The following ADPGK variants were observed in gnomAD, a reference collection of about 807,000 sequenced individuals.
ADPGK encodes the protein ADP-dependent glucokinase.
ADPGK carries 26 observed loss-of-function variants against 42.4 expected under a neutral mutation model. The observed-to-expected ratio is 0.61, with a 90% confidence interval of 0.45 to 0.85. The LOEUF is 0.85. ADPGK is among the 40% of genes least tolerant of loss of function. The pLI is 0.00. For synonymous variants in ADPGK, 267 were observed against 252.6 expected (o/e 1.06, Z -0.54); for missense variants, 571 against 627.0 (o/e 0.91, Z 0.95).
chr15:72,763,037 A>G (rs1033239061), intron 3 of ADPGK, among the ~76,000 whole-genome samples: 3 of 152,226 alleles, frequency 2.0e-5, no homozygotes, highest in African/African-American at 7.2e-5. Flanking sequence ...TATTACTGTA[A>G]AAGAATTTCC....
rs756823163 is a variant in ADPGK at position 72,752,638 on chromosome 15, C to T, written c.1197G>A (p.Gln399=). The T allele has an allele frequency of 5.0e-6, 8 of 1,614,136 alleles. No homozygotes were observed. In the East Asian group the frequency reaches 1.8e-4, roughly 36 times the overall value. Reference sequence around the variant, plus strand: ...GAGCTCCTGCAGCCACGGCTGCCAGCTGGTTGGCCCAGTGTCCATCCACAG... The same window carrying T: ...GAGCTCCTGCAGCCACGGCTGCCAGTTGGTTGGCCCAGTGTCCATCCACAG... The part of the protein sequence containing the change: ...LATVDGHWAN[Q]LAAVAAGARV... Residue 399 remains glutamine, a synonymous_variant, in exon 7 of 7, where the codon CAG becomes CAA. Transcript: ENST00000456471.
At chr15:72,772,954 C>T (rs2066346770) in intron 2 of ADPGK, among the ~76,000 whole-genome samples, 1 of 152,092 alleles carries the variant, frequency 6.6e-6, no homozygotes, top group African/African-American at 2.4e-5. Flanking sequence ...ATAGTGTTAC[C>T]TGGGTGGAAT....
Position 72,755,615 on chromosome 15 carries a change from C to A in ADPGK, c.880G>T (p.Val294Phe), listed in dbSNP as rs907316617. 1.2e-6 allele frequency: 2 copies of A among 1,614,098 alleles called. No individual in the cohort carries two copies. The highest frequency in any genetic ancestry group is 1.7e-6 in the Non-Finnish European group (2 of 1,179,992). ...GTCATACTGGCCAGCTCTAGGTGAA[C>A]TGGAATACCAGTGGGGATGTCAGAA... ...SISDIPTGIP[V>F]HLELASMTNR... The change falls in exon 6 of 7, where the codon GTT becomes TTT. Residue 294 changes from valine to phenylalanine, a missense_variant. Coordinates refer to ENST00000456471, the MANE Select transcript of ADPGK (RefSeq NM_001365225.1).
At position 72,752,686 on chromosome 15, in the gene ADPGK, C is replaced by T. The variant is rs533754619; in HGVS notation, c.1149G>A (p.Thr383=). 10 of 1,614,166 alleles carry T rather than the reference C, an allele frequency of 6.2e-6. No homozygotes were observed. The highest frequency in any genetic ancestry group is 1.6e-4 in the Middle Eastern group (1 of 6,062). ...CAGTTGCCAGGATGTGGTAGACCAGCGTGTGGAAATGGATCCTGGTGAGAT... is the reference window on the plus strand; with the variant it reads ...CAGTTGCCAGGATGTGGTAGACCAGTGTGTGGAAATGGATCCTGGTGAGAT... The part of the protein sequence containing the change: ...ASDLTRIHFH[T]LVYHILATVD... Residue 383 remains threonine, a synonymous_variant, in exon 7 of 7, where the codon ACG becomes ACA. Coordinates refer to ENST00000456471, the MANE Select transcript of ADPGK (RefSeq NM_001365225.1).
chr15:72,766,363 T>G (rs764027726), intron 3 of ADPGK, among the ~76,000 whole-genome samples: 8 of 152,150 alleles, frequency 5.3e-5, no homozygotes, highest in Non-Finnish European at 8.8e-5. Flanking sequence ...AAGGAAGAGT[T>G]AACTGATGTG....
At chr15:72,780,274 T>C (rs1447338301) in intron 1 of ADPGK, among the ~76,000 whole-genome samples, 1 of 152,184 alleles carries the variant, frequency 6.6e-6, no homozygotes, top group Non-Finnish European at 1.5e-5. Flanking sequence ...CACCTTCTTC[T>C]TAAGGTGTCA....
Position 72,760,492 on chromosome 15 carries a change from A to G in ADPGK, c.558T>C (p.His186=), listed in dbSNP as rs377180129. The change falls in exon 4 of 7, where the codon CAT becomes CAC. Residue 186 remains histidine, a synonymous_variant. Transcript: ENST00000456471. ...CAAAGACATTGTCATCAAGAAGCTCATGTAGCTTTGGACCAACTGGACCGC... is the reference window on the plus strand; with the variant it reads ...CAAAGACATTGTCATCAAGAAGCTCGTGTAGCTTTGGACCAACTGGACCGC... The part of the protein sequence containing the change: ...LLCGPVGPKL[H]ELLDDNVFVP... 1.9e-6 allele frequency: 3 copies of G among 1,609,830 alleles called. No individual in the cohort carries two copies. Among genetic ancestry groups the G allele is most frequent in the Non-Finnish European group, 2.5e-6 (3 of 1,176,532 alleles).
At chr15:72,779,866 C>G (rs1302323574) in intron 1 of ADPGK, among the ~76,000 whole-genome samples, 1 of 152,222 alleles carries the variant, frequency 6.6e-6, no homozygotes, top group Non-Finnish European at 1.5e-5. Flanking sequence ...GACAGAGAAG[C>G]TTCATCTGAA....
At chr15:72,758,672 T>C (rs1488412910) in intron 4 of ADPGK, 1 of 173,932 alleles carries the variant, frequency 5.7e-6, no homozygotes, top group African/African-American at 2.5e-5. Flanking sequence ...GACACTCTCT[T>C]TGTGCGGTGA....
intron 3 of ADPGK, among the ~76,000 whole-genome samples, chr15:72,762,984 G>A (rs925071889): frequency 2.0e-5 from 3 of 151,922 alleles, no homozygotes; most frequent in East Asian, 3.9e-4. Flanking sequence ...CCAAAAAAAA[G>A]GAAACAGGAA....
At position 72,774,891 on chromosome 15, in the gene ADPGK, G is replaced by A. The variant is rs1405358643; in HGVS notation, c.440C>T (p.Ser147Leu). 4 of 1,613,102 alleles carry A rather than the reference G, an allele frequency of 2.5e-6. No individual in the cohort carries two copies. The highest frequency in any genetic ancestry group is 2.5e-6 in the Non-Finnish European group (3 of 1,179,104). The change falls in exon 2 of 7, where the codon TCA becomes TTA. Residue 147 changes from serine (S) to leucine (L), a missense_variant. Physicochemically the swap from Ser to Leu is moderately radical, Grantham distance 145. Around this residue, in one of 2 missense-constraint regions of ADPGK, gnomAD observed 434 missense variants for 522.7 expected, o/e 0.83. Coordinates refer to ENST00000456471, the MANE Select transcript of ADPGK (RefSeq NM_001365225.1). Reference protein sequence around the residue: ...ETFHDIAQVASEFPGAQHYVG... With the variant: ...ETFHDIAQVALEFPGAQHYVG... ...ACAGACCTGGGCTCCTGGGAACTCTGATGCAACCTGGGCAATGTCGTGAAA... is the reference window on the plus strand; with the variant it reads ...ACAGACCTGGGCTCCTGGGAACTCTAATGCAACCTGGGCAATGTCGTGAAA...
At position 72,783,518 on chromosome 15, in the gene ADPGK, C is replaced by T. The variant is rs752602751; in HGVS notation, c.174G>A (p.Ala58=). The T allele has an allele frequency of 1.4e-6, 2 of 1,475,058 alleles. No homozygotes were observed. Among genetic ancestry groups the T allele is most frequent in the Admixed American group, 2.4e-5 (1 of 42,170 alleles). 91.4% of individuals were successfully genotyped at this position (1,475,058 alleles called of 1,614,324 possible). The change falls in exon 1 of 7, where the codon GCG becomes GCA. Residue 58 remains alanine (A), a synonymous_variant. Transcript: ENST00000456471. ...GCACGATAAGCGCGTCCCAGGCTGC[C>T]GCCAACCGGCCCTCGGGGGAGACGG... ...PGPVSPEGRL[A]AAWDALIVRP...
At chr15:72,776,506 T>A (rs2066394313) in intron 1 of ADPGK, among the ~76,000 whole-genome samples, 1 of 152,208 alleles carries the variant, frequency 6.6e-6, no homozygotes, top group South Asian at 2.1e-4. Context: ...GATTTTGGTG[T>A]AAAATACATA....
At chr15:72,757,802 A>G in intron 4 of ADPGK, 1 of 326,982 alleles carries the variant, frequency 3.1e-6, no homozygotes, top group South Asian at 4.5e-5. Flanking sequence ...CGTGGACTCA[A>G]CCCTTGAATA....
At chr15:72,759,823 T>C (rs537854524) in intron 4 of ADPGK, among the ~76,000 whole-genome samples, 1 of 152,308 alleles carries the variant, frequency 6.6e-6, no homozygotes, top group African/African-American at 2.4e-5. Context: ...ACGTAACATA[T>C]AAAATCTGCT....
Position 72,774,863 on chromosome 15 carries a change from C to CA in ADPGK, c.459+8dup, listed in dbSNP as rs1392107692. On this transcript the variant is annotated intron_variant, in intron 2 of 6. Coordinates refer to ENST00000456471, the MANE Select transcript of ADPGK (RefSeq NM_001365225.1). ...CACCCTTAATTTACTATTGCTGAAC[C>CA]AAACAGACCTGGGCTCCTGGGAACT... is the stretch of plus-strand genomic sequence containing the variant. 4 of 1,603,478 alleles carry CA rather than the reference C, an allele frequency of 2.5e-6. No homozygotes were observed. The highest frequency in any genetic ancestry group is 3.4e-6 in the Non-Finnish European group (4 of 1,171,674).
rs2066501280 is a variant in ADPGK at position 72,783,685 on chromosome 15, G to A, written c.7C>T (p.Leu3=). Residue 3 remains leucine, a synonymous_variant, in exon 1 of 7, where the codon CTG becomes TTG. Transcript: ENST00000456471. MA[L]WRGSAYAGFL... is the part of the protein sequence containing the mutation. ...CCCGCGTACGCGGAGCCGCGCCACA[G>A]CGCCATGGGGACCCAGGCGCCGCAC... 6.7e-7 allele frequency: 1 copy of A among 1,482,478 alleles called. No individual in the cohort carries two copies. Among genetic ancestry groups the A allele is most frequent in the Admixed American group, 2.3e-5 (1 of 43,090 alleles). 91.8% of individuals were successfully genotyped at this position (1,482,478 alleles called of 1,614,324 possible).
At position 72,758,413 on chromosome 15, in the gene ADPGK, T is replaced by C. The variant is rs149863351; in HGVS notation, c.644-1966A>G. 888 of 496,246 alleles carry C rather than the reference T, an allele frequency of 1.8e-3. 18 individuals carry two copies. In the East Asian group the frequency reaches 0.031, roughly 17 times the overall value. The allele number at this position is 496,246 out of a possible 1,614,324, so 30.7% of individuals were successfully genotyped here. ...GACAATGGGCTTCTCTGGGGAGATC[T>C]GGTAAGAGAGAATGTGGAAAAAAAA... On this transcript the variant is annotated intron_variant, in intron 4 of 6. Coordinates refer to ENST00000456471, the MANE Select transcript of ADPGK (RefSeq NM_001365225.1).
At chr15:72,765,939 T>C (rs779767414) in intron 3 of ADPGK, among the ~76,000 whole-genome samples, 1 of 152,190 alleles carries the variant, frequency 6.6e-6, no homozygotes, top group Non-Finnish European at 1.5e-5. Flanking sequence ...TAATGACAAA[T>C]AGCAGGAAGG....
Sources: allele counts gnomAD v4.1 joint callset (sites outside exome capture counted in the v4.1 genomes callset), GRCh38; gene constraint gnomAD v4.1.1; regional missense constraint gnomAD v4.1.1; transcripts MANE v1.5; gene names NCBI Gene and HGNC (gene_info 2026-07-23, HGNC 2026-07-21).